CAMKK2: variants seen among roughly 807,000 people sequenced by gnomAD.
CAMKK2 encodes the protein calcium/calmodulin-dependent protein kinase kinase 2.
Under a neutral mutation model 67.2 loss-of-function variants are expected in CAMKK2, and 30 were observed. The ratio of observed to expected loss-of-function variants is 0.45; its 90% confidence interval spans 0.33 to 0.61. CAMKK2 has a LOEUF of 0.61. Ranked by LOEUF, CAMKK2 falls within the 20% of genes least tolerant of loss-of-function variation. The probability of loss-of-function intolerance (pLI) is 0.02; values close to 1 mark genes in which losing one functional copy is unlikely to be tolerated. For synonymous variants in CAMKK2, 322 were observed against 326.2 expected (o/e 0.99, Z 0.14); for missense variants, 643 against 802.0 (o/e 0.80, Z 2.39).
chr12:121,276,452 A>C (rs1033865445), intron 1 of CAMKK2, among the ~76,000 whole-genome samples: 2 of 152,164 alleles, frequency 1.3e-5, no homozygotes, highest in Non-Finnish European at 2.9e-5. Flanking sequence ...AGCCTGGGTG[A>C]CTGAACAAGA....
rs1403218346 is a variant in CAMKK2 at position 121,255,235 on chromosome 12, T to TATATATATATAA, written c.907+314_907+315insTTATATATATAT. ...ATATATAATTTTATATATATATAATTTTATATATATATAATTATATATATA... is the reference window on the plus strand; with the variant it reads ...ATATATAATTTTATATATATATAATTATATATATATAATTATATATATATAATTATATATATA... On this transcript the variant is annotated intron_variant, in intron 9 of 16. Transcript: ENST00000404169. Among the ~76,000 whole-genome samples, 42 of 5,128 alleles carry TATATATATATAA rather than the reference T, an allele frequency of 8.2e-3. 4 individuals are homozygous for TATATATATATAA. Among genetic ancestry groups the TATATATATATAA allele is most frequent in the Middle Eastern group, 0.083 (1 of 12 alleles). 3.4% of individuals were successfully genotyped at this position (5,128 alleles called of 152,430 possible).
chr12:121,263,070 G>C (rs1024058392), intron 6 of CAMKK2, among the ~76,000 whole-genome samples: 1 of 152,060 alleles, frequency 6.6e-6, no homozygotes, highest in Non-Finnish European at 1.5e-5. Context: ...CCCAGTTCAA[G>C]CGATTCTCCT....
At chr12:121,271,937 T>C (rs191595442) in intron 2 of CAMKK2, among the ~76,000 whole-genome samples, 1 of 152,338 alleles carries the variant, frequency 6.6e-6, no homozygotes, top group Non-Finnish European at 1.5e-5. Context: ...CTCTAACTCC[T>C]GACCTCAGGT....
chr12:121,286,727 T>A lies in CAMKK2; in HGVS notation c.-60+9911A>T, dbSNP rs552764058. Among the ~76,000 whole-genome samples the A allele has an allele frequency of 1.1e-4, 16 of 152,258 alleles. No homozygotes were observed. In the East Asian group the frequency reaches 3.1e-3, roughly 29 times the overall value. On this transcript the variant is annotated intron_variant, in intron 1 of 16. Transcript: ENST00000404169. ...CCTGGCTAAATAGGTCCTGCTATTA[T>A]CCCTGTTCCACCAGTGGGGAAACTG...
intron 2 of CAMKK2, among the ~76,000 whole-genome samples, chr12:121,271,273 C>CAAAAAAAA (rs11332649): frequency 7.1e-5 from 8 of 112,940 alleles, no homozygotes; most frequent in African/African-American, 2.3e-4. Context: ...AACTGTGTCT[C>CAAAAAAAA]AAAAAAAAAA....
At chr12:121,293,460 C>T (rs1900503318) in intron 1 of CAMKK2, among the ~76,000 whole-genome samples, 1 of 150,452 alleles carries the variant, frequency 6.6e-6, no homozygotes, top group African/African-American at 2.5e-5. Flanking sequence ...GCAAATTACT[C>T]AGCCTCTCTG....
At chr12:121,241,480 G>C (rs1888366165) in intron 16 of CAMKK2, among the ~76,000 whole-genome samples, 1 of 152,224 alleles carries the variant, frequency 6.6e-6, no homozygotes, top group Non-Finnish European at 1.5e-5. Flanking sequence ...GGAAGTGGGA[G>C]GAGGAGAGCC....
chr12:121,289,820 G>A (rs763883494), intron 1 of CAMKK2, among the ~76,000 whole-genome samples: 1 of 151,650 alleles, frequency 6.6e-6, no homozygotes. Context: ...CTGAACCCAG[G>A]AGGCAGAGGT....
At chr12:121,264,893 C>T (rs1248523979) in intron 5 of CAMKK2, among the ~76,000 whole-genome samples, 1 of 151,454 alleles carries the variant, frequency 6.6e-6, no homozygotes, top group Non-Finnish European at 1.5e-5. Flanking sequence ...ATCACCTGCG[C>T]CCAGGAAGAT....
chr12:121,292,128 A>AT (rs112497272), intron 1 of CAMKK2, among the ~76,000 whole-genome samples: 4 of 149,318 alleles, frequency 2.7e-5, no homozygotes, highest in Admixed American at 6.7e-5. Context: ...TTTCACCTCA[A>AT]TTTTTTTTTT....
chr12:121,267,677 A>G (rs2686347), intron 5 of CAMKK2, among the ~76,000 whole-genome samples: 88,625 of 151,140 alleles, frequency 0.59, 28,747 homozygotes, highest in African/African-American at 0.88. Context: ...ATTTTTAGTA[A>G]AGATAGGGCT....
chr12:121,255,167 G>A (rs1211940209), intron 9 of CAMKK2, among the ~76,000 whole-genome samples: 1 of 117,330 alleles, frequency 8.5e-6, no homozygotes, highest in Non-Finnish European at 1.7e-5. Context: ...TTGTGATCGT[G>A]TAAGTTAATA....
chr12:121,282,968 T>C (rs192000708), intron 1 of CAMKK2, among the ~76,000 whole-genome samples: 36 of 152,284 alleles, frequency 2.4e-4, no homozygotes, highest in African/African-American at 8.4e-4. Flanking sequence ...TTGGTCAGGC[T>C]GGTCTCAAAC....
intron 1 of CAMKK2, among the ~76,000 whole-genome samples, chr12:121,275,206 G>A (rs563911957): frequency 6.6e-6 from 1 of 152,074 alleles, no homozygotes; most frequent in Non-Finnish European, 1.5e-5. Context: ...GGTCAGGGCT[G>A]GACACGGTGG....
At chr12:121,272,341 G>C (rs1382221759) in intron 2 of CAMKK2, among the ~76,000 whole-genome samples, 1 of 152,112 alleles carries the variant, frequency 6.6e-6, no homozygotes, top group Non-Finnish European at 1.5e-5. Context: ...AAATTATTCA[G>C]CAATAAAAAG....
rs138681178 is a variant in CAMKK2, at chr12:121,246,085, G to A, written c.1453-845C>T. On this transcript the variant is annotated intron_variant, in intron 14 of 16. Coordinates refer to ENST00000404169, the MANE Select transcript of CAMKK2 (RefSeq NM_001270485.2). Reference sequence around the variant, plus strand: ...GCAGGTGAGTGGGTGCCAGGGCTGGGGGGAGGTGAATGGAGAGTCATTGCT... The same window carrying A: ...GCAGGTGAGTGGGTGCCAGGGCTGGAGGGAGGTGAATGGAGAGTCATTGCT... Among the ~76,000 whole-genome samples, 141 of 152,272 alleles carry A rather than the reference G, an allele frequency of 9.3e-4. No individual in the cohort carries two copies. In the South Asian group the frequency reaches 0.016, roughly 18 times the overall value.
At position 121,275,989 on chromosome 12, in the gene CAMKK2, A is replaced by G. The variant is rs187391720; in HGVS notation, c.-59-1404T>C. 4.4e-3 allele frequency among the ~76,000 whole-genome samples: 664 copies of G among 152,056 alleles called. 2 individuals are homozygous for G. The highest frequency in any genetic ancestry group is 7.7e-3 in the Non-Finnish European group (526 of 67,976). ...AGCCTGACCAACATGGTGAAACCCC[A>G]TCTCTACTAAAAATACAAAAATTAG... On this transcript the variant is annotated intron_variant, in intron 1 of 16. Transcript: ENST00000404169.
chr12:121,260,577 C>G, intron 6 of CAMKK2: 1 of 567,122 alleles, frequency 1.8e-6, no homozygotes, highest in African/African-American at 2.0e-5. Context: ...GTCTGATCCT[C>G]GAGGATCTGA....
At chr12:121,276,159 C>CAAA (rs373596430) in intron 1 of CAMKK2, among the ~76,000 whole-genome samples, 3 of 120,776 alleles carry the variant, frequency 2.5e-5, no homozygotes, top group Non-Finnish European at 5.1e-5. Flanking sequence ...GACTCCATCT[C>CAAA]AAAAAAAAAA....
Sources: gnomAD v4.1 joint callset for allele counts (sites outside exome capture counted in the v4.1 genomes callset) on GRCh38, gnomAD v4.1.1 for gene constraint, MANE v1.5 for transcripts, NCBI Gene and HGNC (gene_info 2026-07-23, HGNC 2026-07-21) for gene names.